The following HIF1A variants were observed in gnomAD, a reference collection of about 807,000 sequenced individuals.
The protein encoded by HIF1A is hypoxia-inducible factor 1-alpha.
In HIF1A, 24 loss-of-function variants were observed where a neutral mutation model predicts 92.7. The ratio of observed to expected loss-of-function variants is 0.26; its 90% CI spans 0.19 to 0.36. The LOEUF (loss-of-function observed/expected upper bound fraction) is 0.36, where lower values mean the gene tolerates loss of function less well. HIF1A is among the 10% of genes least tolerant of loss of function. HIF1A has a pLI of 1.00. For synonymous variants in HIF1A, 319 were observed against 338.7 expected, an observed-to-expected ratio of 0.94 and a Z score of 0.64; for missense variants, 799 against 998.5, an observed-to-expected ratio of 0.80 and a Z score of 2.69.
intron 8 of HIF1A, among the ~76,000 whole-genome samples, chr14:61,735,149 A>G (rs573780385): frequency 6.6e-5 from 10 of 152,134 alleles, no homozygotes; most frequent in African/African-American, 1.2e-4. Flanking sequence ...TCTAGTGTGG[A>G]TATGTCATCA....
intron 1 of HIF1A, 135 bp downstream of exon 1, chr14:61,695,974 C>G: frequency 1.3e-6 from 1 of 746,940 alleles, no homozygotes; most frequent in South Asian, 1.8e-5. Context: ...CTGCTCCCCT[C>G]CCCTCTCTTC....
intron 1 of HIF1A, among the ~76,000 whole-genome samples, chr14:61,717,855 T>TTTTTTTTG (rs144996749): frequency 0.16 from 24,482 of 151,866 alleles, 3,514 homozygotes; most frequent in African/African-American, 0.39. Context: ...AACCTGTCTG[T>TTTTTTTTG]ACTAAAAATA....
rs774951112 is a variant in HIF1A, at chr14:61,732,460, C to T, written c.816C>T (p.Gly272=). ...LMGYEPEELL[G]RSIYEYYHAL... ...GATATGAGCCAGAAGAACTTTTAGG[C>T]CGCTCAATTTATGAATATTATCATG... Residue 272 remains glycine, a synonymous_variant, in exon 7 of 15, where the codon GGC becomes GGT. Coordinates refer to ENST00000337138, the MANE Select transcript of HIF1A (RefSeq NM_001530.4). The T allele has an allele frequency of 1.9e-6, 3 of 1,611,486 alleles. No homozygotes were observed. Among genetic ancestry groups the T allele is most frequent in the East Asian group, 2.2e-5 (1 of 44,808 alleles).
intron 12 of HIF1A, among the ~76,000 whole-genome samples, chr14:61,741,814 A>G (rs927822414): frequency 1.3e-5 from 2 of 152,178 alleles, no homozygotes; most frequent in Non-Finnish European, 2.9e-5. Flanking sequence ...TTTAAATCAG[A>G]CTAGTTAACT....
chr14:61,746,920 C>T lies in HIF1A; in HGVS notation c.2330-14C>T, dbSNP rs772662067. On this transcript the variant is annotated splice_polypyrimidine_tract_variant and intron_variant, in intron 14 of 14. Coordinates refer to ENST00000337138, the MANE Select transcript of HIF1A (RefSeq NM_001530.4). ...TAGATGAATGTATACTTAGGTATCTCTTTTGTTTTTCAGATTTAGCATGTA... is the reference window on the plus strand; with the variant it reads ...TAGATGAATGTATACTTAGGTATCTTTTTTGTTTTTCAGATTTAGCATGTA... 1 of 1,586,032 alleles carries T rather than the reference C, an allele frequency of 6.3e-7. No homozygotes were observed.
chr14:61,745,844 CATCACAAAGACAAA>C (rs761632339), intron 14 of HIF1A, 27 bp downstream of exon 14: 1 of 1,566,830 alleles, frequency 6.4e-7, no homozygotes, highest in East Asian at 2.2e-5. Context: ...TGACCTTGAA[CATCACAAAGACAAA>C]ATACATGAAA....
chr14:61,706,194 T>C (rs2044237631), intron 1 of HIF1A, among the ~76,000 whole-genome samples: 1 of 151,710 alleles, frequency 6.6e-6, no homozygotes, highest in Admixed American at 6.6e-5. Context: ...AGTGATAGAG[T>C]AGGTAATTTG....
chr14:61,724,351 C>T (rs2044473518), intron 4 of HIF1A, among the ~76,000 whole-genome samples: 1 of 110,558 alleles, frequency 9.0e-6, no homozygotes, highest in South Asian at 2.7e-4. Context: ...CACACACATT[C>T]TCTCTCTCTC....
chr14:61,731,273 G>A (rs2044572219), intron 6 of HIF1A, among the ~76,000 whole-genome samples: 1 of 151,948 alleles, frequency 6.6e-6, no homozygotes, highest in South Asian at 2.1e-4. Flanking sequence ...CTCATGTTTT[G>A]CTCCTAGAAA....
chr14:61,703,678 T>G (rs907385342), intron 1 of HIF1A, among the ~76,000 whole-genome samples: 1 of 152,140 alleles, frequency 6.6e-6, no homozygotes, highest in African/African-American at 2.4e-5. Flanking sequence ...TATATCAGTT[T>G]CCTAGAAGAA....
chr14:61,734,370 TAATA>T, intron 8 of HIF1A, 85 bp downstream of exon 8: 1 of 863,150 alleles, frequency 1.2e-6, no homozygotes. Flanking sequence ...GAAGATAAGA[TAATA>T]AATATTAACT....
intron 1 of HIF1A, 105 bp downstream of exon 1, chr14:61,695,944 C>A: frequency 9.3e-7 from 1 of 1,069,822 alleles, no homozygotes; most frequent in Non-Finnish European, 1.4e-6. Context: ...TTGGGGGGGG[C>A]AGCCTTTTTG....
intron 7 of HIF1A, 30 bp from the exon 8 acceptor site, chr14:61,734,108 C>G (rs746613548): frequency 6.9e-7 from 1 of 1,443,344 alleles, no homozygotes; most frequent in East Asian, 2.5e-5. Flanking sequence ...AATATTTTCT[C>G]TGCATGATTC....
chr14:61,709,339 T>C (rs938088234), intron 1 of HIF1A, among the ~76,000 whole-genome samples: 5 of 152,216 alleles, frequency 3.3e-5, no homozygotes, highest in African/African-American at 9.6e-5. Context: ...AATATTTCAA[T>C]ACACATTAAT....
At chr14:61,743,281 G>C (rs1241236057) in intron 12 of HIF1A, among the ~76,000 whole-genome samples, 2 of 152,032 alleles carry the variant, frequency 1.3e-5, no homozygotes, top group African/African-American at 4.8e-5. Flanking sequence ...AGGTTGATCA[G>C]GCTGGTCTCA....
chr14:61,739,096 C>T (rs925428241), intron 10 of HIF1A, among the ~76,000 whole-genome samples: 25 of 152,222 alleles, frequency 1.6e-4, no homozygotes, highest in African/African-American at 5.1e-4. Flanking sequence ...AATAGACTTA[C>T]GAGGGTTTAA....
chr14:61,715,224 T>G (rs187486413), intron 1 of HIF1A, among the ~76,000 whole-genome samples: 100 of 152,314 alleles, frequency 6.6e-4, no homozygotes, highest in Non-Finnish European at 1.2e-3. Flanking sequence ...TACCTTGCTT[T>G]GAAGAGCTGC....
At chr14:61,721,335 C>G (rs927087069) in intron 2 of HIF1A, among the ~76,000 whole-genome samples, 174 bp from the exon 3 acceptor site, 9 of 152,208 alleles carry the variant, frequency 5.9e-5, no homozygotes, top group African/African-American at 2.2e-4. Context: ...TGAAAAGCAG[C>G]TGGCACATCT....
chr14:61,732,298 C>G, intron 6 of HIF1A, 120 bp from the exon 7 acceptor site: 1 of 652,612 alleles, frequency 1.5e-6, no homozygotes. Flanking sequence ...GGAGGATGCT[C>G]ATTTTTGAAA....
Sources: allele counts gnomAD v4.1 joint callset (sites outside exome capture counted in the v4.1 genomes callset), GRCh38; gene constraint gnomAD v4.1.1; transcripts MANE v1.5; gene names NCBI Gene and HGNC (gene_info 2026-07-23, HGNC 2026-07-21).